TENT4A: variants seen among roughly 807,000 people sequenced by gnomAD.
TENT4A encodes terminal nucleotidyltransferase 4A, also known as DNA polymerase kappa.
A neutral mutation model predicts 72.8 loss-of-function variants in TENT4A; 7 were observed. The ratio of observed to expected loss-of-function variants is 0.10; its 90% CI spans 0.05 to 0.18. The LOEUF is 0.18. Among genes scored for constraint, TENT4A ranks in the 10% least tolerant of loss-of-function variants. The probability of loss-of-function intolerance (pLI) is 1.00; values close to 1 mark genes in which losing one functional copy is unlikely to be tolerated. For missense variants in TENT4A, 831 were observed against 1,017.7 expected (o/e 0.82, Z 2.50); for synonymous variants, 456 against 434.3 (o/e 1.05, Z -0.62).
intron 1 of TENT4A, among the ~76,000 whole-genome samples, chr5:6,729,265 A>C (rs1741088256): frequency 6.6e-6 from 1 of 152,240 alleles, no homozygotes; most frequent in South Asian, 2.1e-4. Context: ...AAATGAAAAT[A>C]GTAATATTTG....
chr5:6,736,227 G>A (rs910111602), intron 1 of TENT4A, among the ~76,000 whole-genome samples: 2 of 152,156 alleles, frequency 1.3e-5, no homozygotes, highest in South Asian at 2.1e-4. Context: ...CTTGGAATGC[G>A]TACTCCAAAT....
intron 1 of TENT4A, among the ~76,000 whole-genome samples, chr5:6,721,263 G>A (rs538650066): frequency 3.9e-5 from 6 of 152,246 alleles, no homozygotes; most frequent in African/African-American, 1.2e-4. Flanking sequence ...GCAAGTCTTC[G>A]GAGTATTCAT....
intron 1 of TENT4A, among the ~76,000 whole-genome samples, chr5:6,720,219 T>G (rs900669775): frequency 6.6e-6 from 1 of 152,188 alleles, no homozygotes; most frequent in Non-Finnish European, 1.5e-5. Flanking sequence ...CCTGCCTACC[T>G]GAAGGTCATG....
chr5:6,751,528 C>A, intron 11 of TENT4A: 1 of 245,620 alleles, frequency 4.1e-6, no homozygotes, highest in African/African-American at 2.2e-5. Context: ...AGTCACGACC[C>A]ACTTAGCTGG....
chr5:6,713,944 G>A lies in TENT4A; in HGVS notation c.-40G>A. 3.4e-6 allele frequency: 3 copies of A among 872,018 alleles called. No homozygotes were observed. Among genetic ancestry groups the A allele is most frequent in the South Asian group, 5.1e-5 (1 of 19,636 alleles). 54.0% of individuals were successfully genotyped at this position (872,018 alleles called of 1,614,324 possible). ...GCGCGGCGGGGGCGGGGCCGCGTCG[G>A]GGCGGGCGGGCGCGCGGGCCCCGCG... is the stretch of plus-strand genomic sequence containing the variant. On this transcript the variant is annotated 5_prime_UTR_variant, in exon 1 of 13. Transcript: ENST00000230859.
rs1740259407 is a variant in TENT4A, at chr5:6,714,513, C to T, written c.530C>T (p.Ser177Phe). The T allele has an allele frequency of 4.2e-6, 5 of 1,190,434 alleles. No individual in the cohort carries two copies. The highest frequency in any genetic ancestry group is 5.2e-6 in the Non-Finnish European group (5 of 961,348). The allele number at this position is 1,190,434 out of a possible 1,614,324, so 73.7% of individuals were successfully genotyped here. A position where few individuals can be genotyped will look rare whatever the true frequency, so the allele number is the denominator to read the frequency against. ...PGPRGPAPAG[S>F]PSQHQFHPGR... is the part of the protein sequence containing the mutation. ...CCGCGCGGCCCCGCGCCCGCCGGCT[C>T]CCCGTCGCAGCACCAGTTCCACCCG... Residue 177 changes from serine (S) to phenylalanine (F), a missense_variant, in exon 1 of 13, where the codon TCC becomes TTC. Coordinates refer to ENST00000230859, the MANE Select transcript of TENT4A (RefSeq NM_006999.6).
rs765651721 is a variant in TENT4A, at chr5:6,748,486, C to T, written c.1482C>T (p.Ser494=). 1.3e-5 allele frequency: 21 copies of T among 1,614,166 alleles called. 1 individual carries two copies. In the South Asian group the frequency reaches 2.1e-4, roughly 16 times the overall value. ...LLPGNDVGRS[S]YGAMQVKQVF... is the part of the protein sequence containing the mutation. ...CAGGGAATGACGTTGGCCGGAGCTC[C>T]TATGGCGCCATGCAGGTGAAGCAGG... Residue 494 remains serine (S), a synonymous_variant, in exon 8 of 13, where the codon TCC becomes TCT. Coordinates refer to ENST00000230859, the MANE Select transcript of TENT4A (RefSeq NM_006999.6).
intron 1 of TENT4A, among the ~76,000 whole-genome samples, chr5:6,728,296 A>G (rs941874224): frequency 1.3e-5 from 2 of 152,218 alleles, no homozygotes; most frequent in African/African-American, 2.4e-5. Flanking sequence ...TTCATCACCA[A>G]TGAATAGTAA....
At chr5:6,717,848 C>T (rs764082526) in intron 1 of TENT4A, among the ~76,000 whole-genome samples, 2 of 152,212 alleles carry the variant, frequency 1.3e-5, no homozygotes, top group Non-Finnish European at 2.9e-5. Flanking sequence ...TTGTCATGGT[C>T]GTTCTAGCAG....
chr5:6,745,132 A>C (rs1158764542), intron 6 of TENT4A, among the ~76,000 whole-genome samples: 2 of 152,164 alleles, frequency 1.3e-5, no homozygotes, highest in African/African-American at 4.8e-5. Flanking sequence ...GAGGAGGCCC[A>C]CCCTGGCACC....
intron 6 of TENT4A, among the ~76,000 whole-genome samples, chr5:6,745,147 A>G (rs776845160): frequency 4.6e-5 from 7 of 152,242 alleles, no homozygotes; most frequent in Admixed American, 6.5e-5. Context: ...GGCACCGGCC[A>G]GGCTCTTGGA....
At chr5:6,730,727 G>T in intron 1 of TENT4A, among the ~76,000 whole-genome samples, 1 of 139,784 alleles carries the variant, frequency 7.2e-6, no homozygotes, top group Admixed American at 7.6e-5. Context: ...TATAGTTTCA[G>T]TCCTTTTCCT....
At chr5:6,742,002 A>G (rs775967216) in intron 4 of TENT4A, among the ~76,000 whole-genome samples, 1 of 152,200 alleles carries the variant, frequency 6.6e-6, no homozygotes, top group Non-Finnish European at 1.5e-5. Context: ...TATTTGCTGA[A>G]TTTTTTAGGG....
chr5:6,750,409 A>G lies in TENT4A; in HGVS notation c.1766A>G (p.Tyr589Cys), dbSNP rs141863278. ...CAGAACCGAGAGCCCGAGTCTCCCT[A>G]TGGCCAGCGCTTGACTTTGTCGCTG... ...QTQNREPESP[Y>C]GQRLTLSLSS... Residue 589 changes from tyrosine (Y) to cysteine (C), a missense_variant, in exon 10 of 13, where the codon TAT (tyrosine) becomes TGT (cysteine). By Grantham distance (194) the Tyr-to-Cys change is radical. Coordinates refer to ENST00000230859, the MANE Select transcript of TENT4A (RefSeq NM_006999.6). The G allele has an allele frequency of 3.0e-5, 48 of 1,613,356 alleles. No individual in the cohort carries two copies. The highest frequency in any genetic ancestry group is 2.0e-4 in the Admixed American group (12 of 59,928).
At position 6,713,915 on chromosome 5, in the gene TENT4A, C is replaced by G. The variant is rs1740221065; in HGVS notation, c.-69C>G. 1.5e-6 allele frequency: 1 copy of G among 655,964 alleles called. No homozygotes were observed. Among genetic ancestry groups the G allele is most frequent in the Admixed American group, 6.5e-5 (1 of 15,304 alleles). 40.6% of individuals were successfully genotyped at this position (655,964 alleles called of 1,614,324 possible). On this transcript the variant is annotated 5_prime_UTR_variant, in exon 1 of 13. Coordinates refer to ENST00000230859, the MANE Select transcript of TENT4A (RefSeq NM_006999.6). ...CGTCCGTGCGCGCGCGGCCGGGCCT[C>G]GGGGCGCGGCGGGGGCGGGGCCGCG...
chr5:6,751,418 C>T (rs1579501127), intron 11 of TENT4A: 2 of 412,680 alleles, frequency 4.8e-6, no homozygotes, highest in Non-Finnish European at 8.5e-6. Context: ...TTGAGTGCTG[C>T]CGTGGCTTTT....
intron 1 of TENT4A, among the ~76,000 whole-genome samples, chr5:6,729,277 C>T (rs1238913974): frequency 1.3e-5 from 2 of 152,100 alleles, no homozygotes; most frequent in Non-Finnish European, 2.9e-5. Flanking sequence ...TAATATTTGC[C>T]TCAAAGACTA....
At chr5:6,715,235 C>CA (rs748196171) in intron 1 of TENT4A, 3 of 152,224 alleles carry the variant, frequency 2.0e-5, no homozygotes, top group Non-Finnish European at 2.9e-5. Flanking sequence ...TTACCATAAG[C>CA]ATCGCCTATG....
chr5:6,740,186 C>T (rs1481960667), intron 4 of TENT4A, among the ~76,000 whole-genome samples: 1 of 152,186 alleles, frequency 6.6e-6, no homozygotes, highest in Non-Finnish European at 1.5e-5. Context: ...CATTCAGGTG[C>T]TGCCCATTAT....
Sources: gnomAD v4.1 joint callset for allele counts (sites outside exome capture counted in the v4.1 genomes callset) on GRCh38, gnomAD v4.1.1 for gene constraint, MANE v1.5 for transcripts, NCBI Gene and HGNC (gene_info 2026-07-23, HGNC 2026-07-21) for gene names.